Variants in ZBTB25 observed in about 807,000 individuals in gnomAD.
ZBTB25 encodes the protein zinc finger and BTB domain containing 25, also known as zinc finger and BTB domain-containing protein 25.
In ZBTB25, 20 loss-of-function variants were observed where a neutral mutation model predicts 34.2. The ratio of observed to expected loss-of-function variants is 0.58; its 90% CI spans 0.41 to 0.85. The LOEUF (loss-of-function observed/expected upper bound fraction) is 0.85. Ranked by LOEUF, ZBTB25 falls within the 40% of genes least tolerant of loss-of-function variation. The probability of loss-of-function intolerance (pLI) is 0.00; values close to 1 mark genes in which losing one functional copy is unlikely to be tolerated. For synonymous variants in ZBTB25, 175 were observed against 186.4 expected (o/e 0.94, Z 0.50); for missense variants, 437 against 521.8 (o/e 0.84, Z 1.58).
intron 2 of ZBTB25, among the ~76,000 whole-genome samples, chr14:64,452,453 A>C (rs2078388510): frequency 6.6e-6 from 1 of 152,048 alleles, no homozygotes; most frequent in African/African-American, 2.4e-5. Flanking sequence ...TTCTCTTTGA[A>C]TCTTAATGCC....
chr14:64,489,192 G>C (rs536906454), intron 2 of ZBTB25, among the ~76,000 whole-genome samples: 3 of 152,034 alleles, frequency 2.0e-5, no homozygotes, highest in Non-Finnish European at 4.4e-5. Context: ...AGGTTGCAGT[G>C]AGCTGAGATC....
chr14:64,457,777 T>A (rs1463551240), intron 2 of ZBTB25, among the ~76,000 whole-genome samples: 3 of 152,170 alleles, frequency 2.0e-5, no homozygotes, highest in Non-Finnish European at 2.9e-5. Flanking sequence ...CTGAGTTTTT[T>A]AACAGGATCA....
chr14:64,473,897 A>G (rs550433860), downstream of ZBTB25: 41 of 166,882 alleles, frequency 2.5e-4, no homozygotes, highest in Non-Finnish European at 5.3e-4. Context: ...GGTATATTTT[A>G]TGGTACATTT....
chr14:64,458,339 T>C, intron 2 of ZBTB25: 2 of 1,349,026 alleles, frequency 1.5e-6, no homozygotes, highest in Non-Finnish European at 1.1e-6. Flanking sequence ...ATTTGGCTTT[T>C]TTCCTCATGT....
Position 64,472,508 on chromosome 14 carries a change from T to C in ZBTB25, c.173+17853A>G, listed in dbSNP as rs1181423992. On this transcript the variant is annotated intron_variant, in intron 2 of 2. Transcript: ENST00000555220. ...TTACTTTTTTCACTGTGGTTTGATA[T>C]ATATTTTTGGTTAGAATGTACTGAT... 1.8e-5 allele frequency: 3 copies of C among 166,904 alleles called. No individual in the cohort carries two copies. In the East Asian group the frequency reaches 5.8e-4, roughly 32 times the overall value. 10.3% of individuals were successfully genotyped at this position (166,904 alleles called of 1,614,324 possible). A position where few individuals can be genotyped will look rare whatever the true frequency, so the allele number is the denominator to read the frequency against.
chr14:64,488,615 A>G (rs1301360752), intron 2 of ZBTB25, among the ~76,000 whole-genome samples: 1 of 152,236 alleles, frequency 6.6e-6, no homozygotes, highest in African/African-American at 2.4e-5. Flanking sequence ...GATACATGCT[A>G]CAACATGGAG....
rs747214746 is a variant in ZBTB25, at chr14:64,485,635, G to A, written c.*1288C>T. On this transcript the variant is annotated 3_prime_UTR_variant, in exon 3 of 3. Coordinates refer to ENST00000608382, the MANE Select transcript of ZBTB25 (RefSeq NM_006977.5). ...TAAATGTAGTTATAGAACACTGAATGTATCCACTTTGCTGGTTTTATGGAT... is the reference window on the plus strand; with the variant it reads ...TAAATGTAGTTATAGAACACTGAATATATCCACTTTGCTGGTTTTATGGAT... 152 of 985,368 alleles carry A rather than the reference G, an allele frequency of 1.5e-4. No individual in the cohort carries two copies. Among genetic ancestry groups the A allele is most frequent in the Admixed American group, 6.1e-4 (10 of 16,284 alleles). 61.0% of individuals were successfully genotyped at this position (985,368 alleles called of 1,614,324 possible).
intron 2 of ZBTB25, among the ~76,000 whole-genome samples, chr14:64,464,163 T>C (rs1382342504): frequency 6.6e-6 from 1 of 151,620 alleles, no homozygotes; most frequent in African/African-American, 2.4e-5. Context: ...CCTCCTGAGC[T>C]CCTGAGTAAC....
chr14:64,481,778 A>C lies in ZBTB25; in HGVS notation c.*5145T>G, dbSNP rs935453076. 1 of 152,264 alleles carries C rather than the reference A, an allele frequency of 6.6e-6. No homozygotes were observed. Among genetic ancestry groups the C allele is most frequent in the African/African-American group, 2.4e-5 (1 of 41,472 alleles). The allele number at this position is 152,264 out of a possible 1,614,324, so 9.4% of individuals were successfully genotyped here. A position where few individuals can be genotyped will look rare whatever the true frequency, so the allele number is the denominator to read the frequency against. On this transcript the variant is annotated 3_prime_UTR_variant, in exon 3 of 3. Transcript: ENST00000608382. ...TCACCAGTTTTCAAAATGTCCAACC[A>C]TACAAACACAGAAGTACAGCAGAGA... is the stretch of plus-strand genomic sequence containing the variant.
chr14:64,499,711 C>G (rs993279286), intron 1 of ZBTB25: 3 of 152,222 alleles, frequency 2.0e-5, no homozygotes, highest in Non-Finnish European at 2.9e-5. Context: ...CTCTCTTACT[C>G]CATTACACCT....
chr14:64,458,444 G>C (rs2078509808), intron 2 of ZBTB25: 1 of 727,836 alleles, frequency 1.4e-6, no homozygotes, highest in Non-Finnish European at 2.5e-6. Flanking sequence ...CCTGAGGGGA[G>C]AGGGGATAGT....
chr14:64,472,287 T>G (rs2078681195), intron 2 of ZBTB25: 1 of 167,060 alleles, frequency 6.0e-6, no homozygotes, highest in Admixed American at 6.5e-5. Flanking sequence ...AATCCTGCCC[T>G]CATTTACTGC....
chr14:64,504,086 G>A (rs1283845470), upstream of ZBTB25: 2 of 152,468 alleles, frequency 1.3e-5, no homozygotes, highest in Non-Finnish European at 2.9e-5. Flanking sequence ...CAGTTCTGGG[G>A]TGAAGGTGGG....
In ZBTB25 at chr14:64,490,445, A is replaced by G; in HGVS notation, c.89T>C (p.Ile30Thr). The change falls in exon 2 of 3, where the codon ATT (isoleucine) becomes ACT (threonine). Residue 30 changes from isoleucine (I) to threonine (T), a missense_variant. Coordinates refer to ENST00000608382, the MANE Select transcript of ZBTB25 (RefSeq NM_006977.5). ...FGFLCDCTVA[I>T]GDVYFKAHRA... ...GTGGGCTTTGAAGTAAACATCTCCA[A>G]TTGCAACTGTGCAATCACACAGAAA... 1.2e-6 allele frequency: 2 copies of G among 1,614,032 alleles called. No homozygotes were observed. The highest frequency in any genetic ancestry group is 1.1e-5 in the South Asian group (1 of 91,072).
chr14:64,487,438 G>C lies in ZBTB25; in HGVS notation c.793C>G (p.Leu265Val). 2 of 1,614,200 alleles carry C rather than the reference G, an allele frequency of 1.2e-6. No individual in the cohort carries two copies. Among genetic ancestry groups the C allele is most frequent in the Non-Finnish European group, 1.7e-6 (2 of 1,180,034 alleles). ...ATGGAAGCAGGGACACCGAATGGCA[G>C]GGATCCAGACACATGTGTATGGAGA... ...QHLHTHVSGS[L>V]PFGVPASILE... The change falls in exon 3 of 3, where the codon CTG (leucine) becomes GTG (valine). Residue 265 changes from leucine (L) to valine (V), a missense_variant. By Grantham distance (32) the Leu-to-Val change is conservative (BLOSUM62 1). Coordinates refer to ENST00000608382, the MANE Select transcript of ZBTB25 (RefSeq NM_006977.5).
At chr14:64,451,395 CT>C (rs1163677097) in intron 2 of ZBTB25, among the ~76,000 whole-genome samples, 3 of 152,188 alleles carry the variant, frequency 2.0e-5, no homozygotes, top group African/African-American at 7.2e-5. Context: ...AAACTTATTA[CT>C]CTTGAGTTTT....
chr14:64,466,236 G>C (rs1032632495), intron 2 of ZBTB25, among the ~76,000 whole-genome samples: 3 of 152,244 alleles, frequency 2.0e-5, no homozygotes, highest in Non-Finnish European at 4.4e-5. Flanking sequence ...TGCTGGTTAA[G>C]AGCGAATCAT....
chr14:64,467,160 GACGAA>G (rs2078620617), intron 2 of ZBTB25: 1 of 152,112 alleles, frequency 6.6e-6, no homozygotes, highest in Non-Finnish European at 1.5e-5. Context: ...TTCATTTTCT[GACGAA>G]ACTCTTAAAG....
chr14:64,466,751 G>A (rs2078616884), intron 2 of ZBTB25, among the ~76,000 whole-genome samples: 1 of 152,176 alleles, frequency 6.6e-6, no homozygotes, highest in South Asian at 2.1e-4. Flanking sequence ...TGAAACTTCA[G>A]TGAAGGATTT....
Sources: gnomAD v4.1 joint callset for allele counts (sites outside exome capture counted in the v4.1 genomes callset) on GRCh38, gnomAD v4.1.1 for gene constraint, MANE v1.5 for transcripts, NCBI Gene and HGNC (gene_info 2026-07-23, HGNC 2026-07-21) for gene names.